Variants in NCK2 observed in about 807,000 individuals in gnomAD.
The protein encoded by NCK2 is cytoplasmic protein NCK2.
In NCK2, 16 loss-of-function variants were observed where a neutral mutation model predicts 33.9. The ratio of observed to expected loss-of-function variants is 0.47; its 90% CI spans 0.32 to 0.72. The LOEUF (loss-of-function observed/expected upper bound fraction) is 0.72, where lower values mean the gene tolerates loss of function less well. Among genes scored for constraint, NCK2 ranks in the 30% least tolerant of loss-of-function variants. NCK2 has a pLI of 0.03. For missense variants in NCK2, 418 were observed against 537.3 expected (o/e 0.78, Z 2.19); for synonymous variants, 273 against 239.9 (o/e 1.14, Z -1.27).
chr2:105,848,171 T>C (rs1676925625), intron 2 of NCK2, among the ~76,000 whole-genome samples: 1 of 152,202 alleles, frequency 6.6e-6, no homozygotes, highest in East Asian at 1.9e-4. Flanking sequence ...GAGTGTTAGG[T>C]ATTTCCTGTA....
chr2:105,824,364 G>A (rs556692355), intron 2 of NCK2, among the ~76,000 whole-genome samples: 33 of 152,122 alleles, frequency 2.2e-4, no homozygotes, highest in Non-Finnish European at 3.2e-4. Context: ...AGTGCCTTCC[G>A]GAATATGCCA....
chr2:105,848,204 C>A (rs375814417), intron 2 of NCK2, among the ~76,000 whole-genome samples: 9 of 152,284 alleles, frequency 5.9e-5, no homozygotes, highest in African/African-American at 2.2e-4. Flanking sequence ...TAATCCTCAC[C>A]GAAGCTCTGA....
chr2:105,802,677 A>G (rs1239748861), intron 1 of NCK2, among the ~76,000 whole-genome samples: 1 of 152,242 alleles, frequency 6.6e-6, no homozygotes, highest in Non-Finnish European at 1.5e-5. Context: ...GGCACCATGC[A>G]TGAGGGATCC....
At chr2:105,838,727 T>C (rs1258504711) in intron 2 of NCK2, among the ~76,000 whole-genome samples, 11 of 152,172 alleles carry the variant, frequency 7.2e-5, no homozygotes, top group Admixed American at 6.5e-4. Context: ...TCTACTGTGG[T>C]GATGGAGACC....
chr2:105,760,817 C>T (rs750166680), intron 1 of NCK2, among the ~76,000 whole-genome samples: 12 of 151,384 alleles, frequency 7.9e-5, no homozygotes, highest in Non-Finnish European at 1.3e-4. Flanking sequence ...GCAGAGACAC[C>T]GAGACCCCAC....
Position 105,865,986 on chromosome 2 carries a change from C to G in NCK2, c.226+10697C>G, listed in dbSNP as rs1421328285. Among the ~76,000 whole-genome samples, 3 of 152,148 alleles carry G rather than the reference C, an allele frequency of 2.0e-5. No homozygotes were observed. In the East Asian group the frequency reaches 5.8e-4, roughly 29 times the overall value. Reference sequence around the variant, plus strand: ...CTGAAGTGCAATGGCAATATCTTGGCTCACCGCAACCTCCGCCTACCAGGT... The same window carrying G: ...CTGAAGTGCAATGGCAATATCTTGGGTCACCGCAACCTCCGCCTACCAGGT... On this transcript the variant is annotated intron_variant, in intron 3 of 4. Transcript: ENST00000233154.
intron 3 of NCK2, among the ~76,000 whole-genome samples, chr2:105,858,888 T>C (rs1171334226): frequency 6.6e-6 from 1 of 152,266 alleles, no homozygotes; most frequent in Admixed American, 6.5e-5. Flanking sequence ...ATTTGTATAC[T>C]GGATCTCTTC....
chr2:105,808,545 C>T (rs1475028287), intron 1 of NCK2, among the ~76,000 whole-genome samples: 1 of 152,082 alleles, frequency 6.6e-6, no homozygotes, highest in East Asian at 1.9e-4. Context: ...CGAAGGAGCC[C>T]CCAGGAGTAA....
intron 2 of NCK2, chr2:105,851,862 C>A (rs371283355): frequency 6.6e-6 from 1 of 152,238 alleles, no homozygotes; most frequent in Non-Finnish European, 1.5e-5. Flanking sequence ...AGTAAGTGAG[C>A]GAGCCGGACG....
At chr2:105,823,132 CTGTG>C (rs10610689) in intron 2 of NCK2, among the ~76,000 whole-genome samples, 7,026 of 148,540 alleles carry the variant, frequency 0.047, 202 homozygotes, top group Non-Finnish European at 0.065. Flanking sequence ...TCCTCTCATG[CTGTG>C]TGTGTGTGTG....
intron 2 of NCK2, among the ~76,000 whole-genome samples, chr2:105,842,093 C>G: frequency 6.9e-6 from 1 of 145,768 alleles, no homozygotes; most frequent in East Asian, 2.0e-4. Flanking sequence ...GGGTTTTTTT[C>G]TTTTTTTTTT....
At chr2:105,778,850 G>A (rs1247880912) in intron 1 of NCK2, among the ~76,000 whole-genome samples, 1 of 151,984 alleles carries the variant, frequency 6.6e-6, no homozygotes, top group African/African-American at 2.4e-5. Flanking sequence ...AGCTTCCCAA[G>A]TAGCTAGGAC....
At chr2:105,846,454 T>C (rs1255542146) in intron 2 of NCK2, 1 of 139,096 alleles carries the variant, frequency 7.2e-6, no homozygotes, top group African/African-American at 2.7e-5. Context: ...GCAGTAAAGA[T>C]AAATTAATGG....
intron 1 of NCK2, among the ~76,000 whole-genome samples, chr2:105,766,975 G>A (rs373817458): frequency 6.6e-5 from 10 of 152,306 alleles, no homozygotes; most frequent in African/African-American, 1.7e-4. Flanking sequence ...GAAGAGACAC[G>A]CTTGGGAGGA....
intron 1 of NCK2, among the ~76,000 whole-genome samples, chr2:105,745,453 G>A (rs1175986299): frequency 6.6e-6 from 1 of 151,936 alleles, no homozygotes; most frequent in Non-Finnish European, 1.5e-5. Context: ...GCCCGGCTGC[G>A]GGGCCCGGGG....
chr2:105,867,519 A>G (rs545662585), intron 3 of NCK2, among the ~76,000 whole-genome samples: 10 of 152,336 alleles, frequency 6.6e-5, no homozygotes, highest in African/African-American at 1.7e-4. Context: ...GTGGGAGGAT[A>G]CTTCGAGAGA....
intron 4 of NCK2, among the ~76,000 whole-genome samples, chr2:105,886,600 C>T (rs896361774): frequency 2.0e-5 from 3 of 152,200 alleles, no homozygotes; most frequent in African/African-American, 7.2e-5. Flanking sequence ...GGAGTATGCA[C>T]TTGATTCAAG....
chr2:105,780,325 T>TATACAC lies in NCK2; in HGVS notation c.-201+35188_-201+35189insTACACA, dbSNP rs1325025118. On this transcript the variant is annotated intron_variant, in intron 1 of 4. Transcript: ENST00000233154. ...TTCCATAATATGGGAGAGAGATATA[T>TATACAC]ACACACACACACACACACACACACA... 3.2e-3 allele frequency among the ~76,000 whole-genome samples: 467 copies of TATACAC among 147,460 alleles called. 2 individuals carry two copies. The highest frequency in any genetic ancestry group is 7.0e-3 in the Middle Eastern group (2 of 286).
At chr2:105,886,932 A>G (rs946288676) in intron 4 of NCK2, among the ~76,000 whole-genome samples, 2 of 152,224 alleles carry the variant, frequency 1.3e-5, no homozygotes, top group African/African-American at 4.8e-5. Flanking sequence ...TAATGAGATG[A>G]ATATTTGAAC....
Sources: gnomAD v4.1 joint callset for allele counts (sites outside exome capture counted in the v4.1 genomes callset) on GRCh38, gnomAD v4.1.1 for gene constraint, MANE v1.5 for transcripts, NCBI Gene and HGNC (gene_info 2026-07-23, HGNC 2026-07-21) for gene names.